TENM1: variants seen among roughly 807,000 people sequenced by gnomAD.
TENM1 encodes the protein teneurin transmembrane protein 1.
A neutral mutation model predicts 174.8 loss-of-function variants in TENM1; 35 were observed. That is an observed-to-expected ratio of 0.20 (90% CI 0.15 to 0.27). The LOEUF (loss-of-function observed/expected upper bound fraction) is 0.27, where lower values mean the gene tolerates loss of function less well. TENM1 is among the 10% of genes least tolerant of loss of function. The probability of loss-of-function intolerance (pLI) is 1.00; values close to 1 mark genes in which losing one functional copy is unlikely to be tolerated. For missense variants in TENM1, 1,633 were observed against 2,130.1 expected (o/e 0.77, Z 4.59); for synonymous variants, 781 against 798.7 (o/e 0.98, Z 0.37).
At chrX:124,454,373 G>A (rs2061078758) in intron 22 of TENM1, among the ~76,000 whole-genome samples, 1 of 81,054 alleles carries the variant, frequency 1.2e-5, no homozygotes, top group African/African-American at 5.2e-5. Context: ...ACCAGGATGA[G>A]CTGGTTACTC....
At chrX:124,471,961 A>G (rs2061338630) in intron 22 of TENM1, among the ~76,000 whole-genome samples, 1 of 107,134 alleles carries the variant, frequency 9.3e-6, no homozygotes, top group Non-Finnish European at 1.9e-5. Flanking sequence ...GGTTCTGGGT[A>G]TAGAGAGTAA....
chrX:124,781,661 C>CA (rs1439865606), intron 3 of TENM1, among the ~76,000 whole-genome samples: 1 of 111,308 alleles, frequency 9.0e-6, no homozygotes, highest in Non-Finnish European at 1.9e-5. Flanking sequence ...CCTGAATTCT[C>CA]AGTCATCAAA....
chrX:124,743,911 T>C (rs1319454457), intron 3 of TENM1, among the ~76,000 whole-genome samples: 1 of 111,910 alleles, frequency 8.9e-6, no homozygotes, highest in Non-Finnish European at 1.9e-5. Context: ...TTTTCTACTT[T>C]CTAGTTTAAT....
At chrX:124,896,354 T>C (rs1413271336) in intron 1 of TENM1, 113 bp from the exon 5 acceptor site, 1 of 847,480 alleles carries the variant, frequency 1.2e-6, no homozygotes, top group African/African-American at 2.0e-5. Context: ...TTACGTGTTT[T>C]TGCAAGTTAG....
At chrX:124,592,611 T>A (rs1333053544) in intron 11 of TENM1, among the ~76,000 whole-genome samples, 3 of 110,073 alleles carry the variant, frequency 2.7e-5, no homozygotes, top group African/African-American at 9.9e-5. Context: ...AATTTTTATA[T>A]TTTTAGTAGA....
intron 29 of TENM1, among the ~76,000 whole-genome samples, chrX:124,385,300 G>C (rs1223694664): frequency 8.9e-6 from 1 of 112,204 alleles, no homozygotes; most frequent in Non-Finnish European, 1.9e-5. Context: ...TCTGACTTGT[G>C]AAGATATTTT....
intron 1 of TENM1, among the ~76,000 whole-genome samples, chrX:124,954,287 G>T (rs113615197): frequency 0.05 from 5,454 of 110,102 alleles, 277 homozygotes; most frequent in African/African-American, 0.15. Flanking sequence ...GGGGAAAGAG[G>T]GAGTTTTACA....
At position 124,621,568 on chromosome X, in the gene TENM1, C is replaced by G. The variant is rs754020259; in HGVS notation, c.2077+20223G>C. On this transcript the variant is annotated intron_variant, in intron 11 of 31. Transcript: ENST00000422452. ...ACCTTATACACATAGTCTGAAAGTA[C>G]TTTTATATAATATTTTAAATAATTT... Among the ~76,000 whole-genome samples, 318 of 112,120 alleles carry G rather than the reference C, an allele frequency of 2.8e-3. 2 individuals carry two copies. Among genetic ancestry groups the G allele is most frequent in the African/African-American group, 9.1e-3 (280 of 30,882 alleles).
intron 11 of TENM1, among the ~76,000 whole-genome samples, chrX:124,631,536 T>G (rs1176942230): frequency 1.8e-5 from 2 of 111,213 alleles, no homozygotes; most frequent in Non-Finnish European, 3.8e-5. Context: ...AGGACTGAAA[T>G]TTTTCTATAA....
the TENM1 span, among the ~76,000 whole-genome samples, chrX:125,064,616 T>C: frequency 2.7e-5 from 3 of 111,493 alleles, no homozygotes; most frequent in African/African-American, 9.8e-5. Context: ...GTTTGTGATT[T>C]AATTGAAGAA....
chrX:124,520,697 G>A (rs745335967), exon 18 of TENM1: 22 of 1,209,987 alleles, frequency 1.8e-5, no homozygotes, highest in Admixed American at 2.2e-5. Context: ...AGAAGGATCC[G>A]TAGCAGGGTT....
chrX:124,549,097 AATTAT>A (rs1418957178), intron 14 of TENM1, among the ~76,000 whole-genome samples: 1 of 111,433 alleles, frequency 9.0e-6, no homozygotes, highest in Non-Finnish European at 1.9e-5. Flanking sequence ...TCATTCAGCA[AATTAT>A]ATTAACAGAT....
chrX:124,686,648 A>G (rs1208818599), intron 5 of TENM1, among the ~76,000 whole-genome samples: 1 of 112,228 alleles, frequency 8.9e-6, no homozygotes, highest in African/African-American at 3.2e-5. Context: ...TCCATCACAT[A>G]AACAGAACCA....
At chrX:125,011,229 C>T in the TENM1 span, among the ~76,000 whole-genome samples, 1 of 111,411 alleles carries the variant, frequency 9.0e-6, no homozygotes, top group African/African-American at 3.3e-5. Context: ...CCATAAAAAC[C>T]CTAGAAGAAA....
intron 23 of TENM1, among the ~76,000 whole-genome samples, chrX:124,449,867 A>T (rs1423059529): frequency 9.0e-6 from 1 of 111,292 alleles, no homozygotes; most frequent in Non-Finnish European, 1.9e-5. Flanking sequence ...GCAGAAATTC[A>T]AAACAGGCCA....
the TENM1 span, among the ~76,000 whole-genome samples, chrX:124,987,071 T>C: frequency 8.9e-6 from 1 of 111,753 alleles, no homozygotes; most frequent in Non-Finnish European, 1.9e-5. Flanking sequence ...CCATGGTCTC[T>C]GGCGTGCTCG....
chrX:125,111,732 T>C, the TENM1 span, among the ~76,000 whole-genome samples: 2 of 111,729 alleles, frequency 1.8e-5, no homozygotes, highest in Non-Finnish European at 3.8e-5. Flanking sequence ...ACAGTGGGAA[T>C]AGTTTTAGAG....
chrX:124,742,711 A>G (rs1207481323), intron 3 of TENM1, among the ~76,000 whole-genome samples: 1 of 110,556 alleles, frequency 9.0e-6, no homozygotes, highest in Non-Finnish European at 1.9e-5. Flanking sequence ...GTGGACCCCA[A>G]AGGTTTTGGA....
At chrX:124,582,707 G>A (rs892472752) in intron 11 of TENM1, among the ~76,000 whole-genome samples, 30 of 111,892 alleles carry the variant, frequency 2.7e-4, no homozygotes, top group South Asian at 3.8e-4. Flanking sequence ...GCAGCACACC[G>A]TGTGCGAGCT....
Sources: gnomAD v4.1 joint callset for allele counts (sites outside exome capture counted in the v4.1 genomes callset) on GRCh38, gnomAD v4.1.1 for gene constraint, MANE v1.5 for transcripts, NCBI Gene and HGNC (gene_info 2026-07-23, HGNC 2026-07-21) for gene names.